Variants in SIPA1L3 observed in about 807,000 individuals in gnomAD.
SIPA1L3 encodes the protein signal induced proliferation associated 1 like 3.
In SIPA1L3, 59 loss-of-function variants were observed where a neutral mutation model predicts 150.1. The ratio of observed to expected loss-of-function variants is 0.39; its 90% CI spans 0.32 to 0.49. The LOEUF is 0.49. Ranked by LOEUF, SIPA1L3 falls within the 20% of genes least tolerant of loss-of-function variation. The probability of loss-of-function intolerance (pLI) is 0.86; values close to 1 mark genes in which losing one functional copy is unlikely to be tolerated. For synonymous variants in SIPA1L3, 1,070 were observed against 1,077.6 expected (o/e 0.99, Z 0.14); for missense variants, 2,211 against 2,489.5 (o/e 0.89, Z 2.38).
Position 38,003,448 on chromosome 19 carries a change from C to G in SIPA1L3, c.-378-25641C>G, listed in dbSNP as rs141801145. ...GAAAACGTGAATTTGGTGTATGTCT[C>G]TAGATAAGCCCCACTTCTGAATGAT... On this transcript the variant is annotated intron_variant, in intron 1 of 21. Coordinates refer to ENST00000222345, the MANE Select transcript of SIPA1L3 (RefSeq NM_015073.3). Among the ~76,000 whole-genome samples, 148 of 152,336 alleles carry G rather than the reference C, an allele frequency of 9.7e-4. 2 individuals are homozygous for G. In the East Asian group the frequency reaches 0.019, roughly 20 times the overall value.
intron 2 of SIPA1L3, among the ~76,000 whole-genome samples, chr19:38,058,854 G>T (rs1235303809): frequency 6.6e-6 from 1 of 152,076 alleles, no homozygotes; most frequent in East Asian, 1.9e-4. Flanking sequence ...GTGAAACCCT[G>T]TCTCTACTAA....
At chr19:38,152,783 T>A (rs964875040) in intron 12 of SIPA1L3, 57 bp from the exon 13 acceptor site, 2 of 1,542,844 alleles carry the variant, frequency 1.3e-6, no homozygotes, top group Non-Finnish European at 1.8e-6. Context: ...CAGGCTCAGG[T>A]GGTTTTCGAC....
In SIPA1L3 at chr19:38,046,944, G is replaced by C. The variant is rs1969073615; in HGVS notation, c.-311+17788G>C. On this transcript the variant is annotated intron_variant, in intron 2 of 21. Coordinates refer to ENST00000222345, the MANE Select transcript of SIPA1L3 (RefSeq NM_015073.3). This position sits in a 1 kb window ranked among gnomAD's most constrained non-coding sequence, Gnocchi z 5.6. Reference sequence around the variant, plus strand: ...GGCTGCCTAACAGCACCACCTGGGTGGTTGAGTGGCTCTTCCAGAGACCCT... The same window carrying C: ...GGCTGCCTAACAGCACCACCTGGGTCGTTGAGTGGCTCTTCCAGAGACCCT... 6.6e-6 allele frequency among the ~76,000 whole-genome samples: 1 copy of C among 152,222 alleles called. No homozygotes were observed.
At chr19:37,912,510 T>C (rs2046384872) in intron 1 of SIPA1L3, among the ~76,000 whole-genome samples, 1 of 152,152 alleles carries the variant, frequency 6.6e-6, no homozygotes, top group African/African-American at 2.4e-5. Context: ...TGTGATCTTT[T>C]TTTTAGAGAC....
intron 1 of SIPA1L3, among the ~76,000 whole-genome samples, chr19:37,911,049 C>T (rs1309589921): frequency 6.6e-6 from 1 of 151,792 alleles, no homozygotes; most frequent in Non-Finnish European, 1.5e-5. Flanking sequence ...GGGAAAATAC[C>T]TAGTGCCACC....
intron 4 of SIPA1L3, among the ~76,000 whole-genome samples, chr19:38,098,805 C>T (rs1333485963): frequency 6.6e-6 from 1 of 152,136 alleles, no homozygotes; most frequent in Non-Finnish European, 1.5e-5. Context: ...AATGAGATGG[C>T]TGTGATTGGC....
At chr19:37,919,948 G>A (rs1436722534) in intron 1 of SIPA1L3, among the ~76,000 whole-genome samples, 2 of 151,368 alleles carry the variant, frequency 1.3e-5, no homozygotes, top group South Asian at 2.1e-4. Flanking sequence ...GACCTTAGGT[G>A]ATCTGCCCAC....
intron 1 of SIPA1L3, among the ~76,000 whole-genome samples, chr19:37,931,590 T>TA (rs141487119): frequency 0.16 from 23,065 of 146,414 alleles, 1,891 homozygotes; most frequent in Middle Eastern, 0.29. Flanking sequence ...TTAATAAAAA[T>TA]AAAAAAAAAA....
At position 37,954,850 on chromosome 19, in the gene SIPA1L3, G is replaced by A. The variant is rs192177348; in HGVS notation, c.-379+47492G>A. Among the ~76,000 whole-genome samples, 110 of 152,278 alleles carry A rather than the reference G, an allele frequency of 7.2e-4. 2 individuals are homozygous for A. In the East Asian group the frequency reaches 0.018, roughly 25 times the overall value. On this transcript the variant is annotated intron_variant, in intron 1 of 21. Coordinates refer to ENST00000222345, the MANE Select transcript of SIPA1L3 (RefSeq NM_015073.3). ...GCCTGTAATCCCAGTACTTTGGGAG[G>A]CCAAGGCAGGCAGATCTCTTGAGGC...
chr19:38,099,848 C>A, intron 4 of SIPA1L3, 114 bp from the exon 5 acceptor site: 1 of 915,328 alleles, frequency 1.1e-6, no homozygotes, highest in Non-Finnish European at 1.6e-6. Context: ...GACCTTAGAG[C>A]ACAAACTTCC....
chr19:38,197,875 C>CG (rs1206507274), intron 18 of SIPA1L3, among the ~76,000 whole-genome samples: 1 of 145,280 alleles, frequency 6.9e-6, no homozygotes, highest in African/African-American at 2.5e-5. Context: ...CCCCCAAATC[C>CG]CCCCCCAAAC....
chr19:37,924,834 A>C (rs2046488386), intron 1 of SIPA1L3, among the ~76,000 whole-genome samples: 2 of 151,820 alleles, frequency 1.3e-5, no homozygotes, highest in South Asian at 4.2e-4. Flanking sequence ...GGATCACCTG[A>C]GATCAGGAGT....
At chr19:38,055,095 G>C (rs1350766105) in intron 2 of SIPA1L3, among the ~76,000 whole-genome samples, 1 of 152,148 alleles carries the variant, frequency 6.6e-6, no homozygotes, top group African/African-American at 2.4e-5. Context: ...CTGTGACTTT[G>C]GTCTGGTGAC....
chr19:38,086,523 A>C (rs1970135629), intron 3 of SIPA1L3, among the ~76,000 whole-genome samples: 1 of 152,116 alleles, frequency 6.6e-6, no homozygotes, highest in Non-Finnish European at 1.5e-5. Flanking sequence ...CCTCAAAAAA[A>C]GGTTAAAAAT....
intron 2 of SIPA1L3, among the ~76,000 whole-genome samples, chr19:38,055,046 G>T (rs1568523423): frequency 6.6e-6 from 1 of 152,188 alleles, no homozygotes; most frequent in Admixed American, 6.5e-5. Flanking sequence ...GCGTGGTTAG[G>T]CATAGAGGCT....
At chr19:38,134,997 G>A (rs1971402873) in intron 10 of SIPA1L3, among the ~76,000 whole-genome samples, 1 of 152,184 alleles carries the variant, frequency 6.6e-6, no homozygotes, top group African/African-American at 2.4e-5. Context: ...GCTCACACCA[G>A]GGCTGGTGTG....
At chr19:37,990,239 A>G (rs1332308251) in intron 1 of SIPA1L3, among the ~76,000 whole-genome samples, 1 of 152,130 alleles carries the variant, frequency 6.6e-6, no homozygotes. Flanking sequence ...ATCACCAGCT[A>G]CCTGGGGGTA....
intron 2 of SIPA1L3, among the ~76,000 whole-genome samples, chr19:38,042,968 C>A (rs1207970097): frequency 6.6e-6 from 1 of 152,224 alleles, no homozygotes; most frequent in African/African-American, 2.4e-5. Flanking sequence ...CTTCCTGTGC[C>A]TCAGTTTCTC....
intron 1 of SIPA1L3, among the ~76,000 whole-genome samples, chr19:37,941,452 G>GTTTTTTT (rs573938334): frequency 2.6e-5 from 3 of 115,694 alleles, no homozygotes; most frequent in Non-Finnish European, 1.9e-5. Flanking sequence ...TCTGTTGTGT[G>GTTTTTTT]TTTTTTTTTT....
Sources: allele counts gnomAD v4.1 joint callset (sites outside exome capture counted in the v4.1 genomes callset), GRCh38; gene constraint gnomAD v4.1.1; non-coding constraint Gnocchi (gnomAD v3.1); transcripts MANE v1.5; gene names NCBI Gene and HGNC (gene_info 2026-07-23, HGNC 2026-07-21).